Variants in CALD1 observed in about 807,000 individuals in gnomAD.
The protein encoded by CALD1 is caldesmon.
In CALD1, 33 loss-of-function variants were observed where a neutral mutation model predicts 99.9. That is an observed-to-expected ratio of 0.33 (90% CI 0.25 to 0.44). The LOEUF is 0.44. Ranked by LOEUF, CALD1 falls within the 20% of genes least tolerant of loss-of-function variation. The pLI, the probability that CALD1 is intolerant of heterozygous loss-of-function variation, is 1.00. For synonymous variants in CALD1, 310 were observed against 325.0 expected (o/e 0.95, Z 0.50); for missense variants, 861 against 962.1 (o/e 0.89, Z 1.39).
rs1216448793 is a variant in CALD1, at chr7:134,860,639, T to C, written c.-41-7054T>C. On this transcript the variant is annotated intron_variant, in intron 2 of 14. Coordinates refer to ENST00000361675, the MANE Select transcript of CALD1 (RefSeq NM_033138.4). ...ATTGTGGAAAAATTTTTTTAAAGAC[T>C]ATATCTTTTCATAAGTGGCCTTAAG... is the stretch of plus-strand genomic sequence containing the variant. Among the ~76,000 whole-genome samples the C allele has an allele frequency of 3.3e-5, 5 of 152,360 alleles. No individual in the cohort carries two copies. The East Asian group carries it at 9.6e-4, about 29-fold the overall frequency.
intron 3 of CALD1, among the ~76,000 whole-genome samples, chr7:134,916,072 T>A (rs1345966844): frequency 6.6e-6 from 1 of 152,218 alleles, no homozygotes; most frequent in Non-Finnish European, 1.5e-5. Flanking sequence ...ATTTCCCATT[T>A]CCTGTCTCCA....
intron 1 of CALD1, among the ~76,000 whole-genome samples, chr7:134,786,182 AG>A (rs1464048555): frequency 6.6e-6 from 1 of 152,222 alleles, no homozygotes. Flanking sequence ...AGTCATTGCA[AG>A]AGGTAAACAA....
At chr7:134,880,379 G>A (rs1392884363) in intron 3 of CALD1, among the ~76,000 whole-genome samples, 1 of 152,146 alleles carries the variant, frequency 6.6e-6, no homozygotes, top group African/African-American at 2.4e-5. Context: ...AGGTTTTCTG[G>A]AGGTGGGGGG....
chr7:134,859,189 T>C (rs917654848), intron 2 of CALD1, among the ~76,000 whole-genome samples: 9 of 152,156 alleles, frequency 5.9e-5, no homozygotes, highest in Non-Finnish European at 1.3e-4. Context: ...TGCACCCCCA[T>C]TTTTGGGTAG....
chr7:134,833,189 T>A (rs1448147495), intron 1 of CALD1, among the ~76,000 whole-genome samples: 4 of 152,232 alleles, frequency 2.6e-5, no homozygotes, highest in Admixed American at 6.5e-5. Context: ...CACTTAGCTA[T>A]GAATGTTGAA....
upstream of CALD1, chr7:134,779,350 T>C (rs1294642403): frequency 1.9e-5 from 5 of 259,462 alleles, no homozygotes; most frequent in Non-Finnish European, 2.9e-5. Context: ...AAAAAGGGCA[T>C]GGAGCAGGCT....
chr7:134,750,927 G>A (rs1165873158), intron 1 of CALD1, among the ~76,000 whole-genome samples: 2 of 152,054 alleles, frequency 1.3e-5, no homozygotes. Flanking sequence ...ATACCATTCA[G>A]TCTCCCCTTA....
At chr7:134,856,873 A>T (rs1433742428) in intron 2 of CALD1, among the ~76,000 whole-genome samples, 5 of 152,244 alleles carry the variant, frequency 3.3e-5, no homozygotes, top group Admixed American at 1.3e-4. Context: ...CATTTGTTTA[A>T]CAACTAAGTT....
chr7:134,762,696 CT>C lies in CALD1; in HGVS notation c.-130+18337del, dbSNP rs527507462. Among the ~76,000 whole-genome samples, 14 of 152,192 alleles carry C rather than the reference CT, an allele frequency of 9.2e-5. No homozygotes were observed. The South Asian group carries it at 2.7e-3, about 29-fold the overall frequency. ...ACAGACAGCAGGGAGATGCCACACA[CT>C]TTTAAACAAACAGATCTCGAGAGCA... On this transcript the variant is annotated intron_variant, in intron 1 of 13. Coordinates refer to the CALD1 transcript ENST00000417172.
intron 1 of CALD1, among the ~76,000 whole-genome samples, 168 bp downstream of exon 1, chr7:134,779,917 C>G (rs1419175786): frequency 1.3e-5 from 2 of 152,138 alleles, no homozygotes; most frequent in South Asian, 2.1e-4. Context: ...TACGGATATT[C>G]CCGGAAGGCA....
chr7:134,969,864 C>G lies in CALD1; in HGVS notation c.*1519C>G, dbSNP rs545984655. On this transcript the variant is annotated 3_prime_UTR_variant, in exon 15 of 15. Transcript: ENST00000361675. ...ATGTTCTAGTATAGCTGGATACATA[C>G]AGTGGAGTTCTATAAACTCATACCT... is the stretch of plus-strand genomic sequence containing the variant. 1 of 152,706 alleles carries G rather than the reference C, an allele frequency of 6.5e-6. No homozygotes were observed. The highest frequency in any genetic ancestry group is 2.4e-5 in the African/African-American group (1 of 41,570). The allele number at this position is 152,706 out of a possible 1,614,324, so 9.5% of individuals were successfully genotyped here. A position where few individuals can be genotyped will look rare whatever the true frequency, so the allele number is the denominator to read the frequency against.
At chr7:134,927,935 T>C (rs1350075849) in intron 3 of CALD1, 2 of 142,926 alleles carry the variant, frequency 1.4e-5, no homozygotes, top group African/African-American at 5.6e-5. Context: ...TTAATAATAT[T>C]TATTATAATA....
the CALD1 span, among the ~76,000 whole-genome samples, chr7:134,719,004 C>A: frequency 6.6e-6 from 1 of 152,212 alleles, no homozygotes; most frequent in Admixed American, 6.5e-5. Flanking sequence ...ACTGTGTACA[C>A]TATAGAGTAT....
chr7:134,965,258 A>G, intron 13 of CALD1, 48 bp from the exon 14 acceptor site: 1 of 898,586 alleles, frequency 1.1e-6, no homozygotes, highest in South Asian at 1.3e-5. Flanking sequence ...GCTGGCTAGA[A>G]AATATAAATG....
At chr7:134,847,529 T>C (rs3778852) in intron 2 of CALD1, among the ~76,000 whole-genome samples, 78,333 of 152,092 alleles carry the variant, frequency 0.52, 22,483 homozygotes, top group African/African-American at 0.78. Flanking sequence ...CTGGGCATAG[T>C]CCAGATTTGG....
rs1182589212 is a variant in CALD1, at chr7:134,928,791, G to A, written c.109G>A (p.Ala37Thr). Residue 37 changes from alanine to threonine, a missense_variant, in exon 4 of 15, where the codon GCA (alanine) becomes ACA (threonine). Coordinates refer to ENST00000361675, the MANE Select transcript of CALD1 (RefSeq NM_033138.4). The stretch of plus-strand genomic sequence containing the variant: ...GAGGAATGACGATGATGAAGAGGAG[G>A]CAGCCCGGGAACGGCGCCGCCGAGC... ...YQRNDDDEEEAARERRRRARQ... is the reference protein window; with the variant it reads ...YQRNDDDEEETARERRRRARQ... 6.2e-7 allele frequency: 1 copy of A among 1,613,776 alleles called. No individual in the cohort carries two copies. Among genetic ancestry groups the A allele is most frequent in the Non-Finnish European group, 8.5e-7 (1 of 1,179,926 alleles).
At chr7:134,861,724 G>A (rs1800572473) in intron 2 of CALD1, among the ~76,000 whole-genome samples, 1 of 152,188 alleles carries the variant, frequency 6.6e-6, no homozygotes, top group Non-Finnish European at 1.5e-5. Flanking sequence ...AAATGTTTTT[G>A]TGAGGCCTCA....
Position 134,894,721 on chromosome 7 carries a change from T to G in CALD1, c.71+26917T>G, listed in dbSNP as rs189025851. Among the ~76,000 whole-genome samples, 3 of 152,338 alleles carry G rather than the reference T, an allele frequency of 2.0e-5. No individual in the cohort carries two copies. In the East Asian group the frequency reaches 5.8e-4, roughly 29 times the overall value. Reference sequence around the variant, plus strand: ...ATTTTCAGGAGCAGTCGTGAATGGTTGTTCAGTTATTTAGATTTCAAGGCA... The same window carrying G: ...ATTTTCAGGAGCAGTCGTGAATGGTGGTTCAGTTATTTAGATTTCAAGGCA... On this transcript the variant is annotated intron_variant, in intron 3 of 14. Coordinates refer to ENST00000361675, the MANE Select transcript of CALD1 (RefSeq NM_033138.4).
chr7:134,764,878 A>G (rs1796812280), intron 1 of CALD1, among the ~76,000 whole-genome samples: 1 of 152,200 alleles, frequency 6.6e-6, no homozygotes, highest in Non-Finnish European at 1.5e-5. Flanking sequence ...GGGAGAAAGT[A>G]GAAGTTTGTG....
Sources: gnomAD v4.1 joint callset for allele counts (sites outside exome capture counted in the v4.1 genomes callset) on GRCh38, gnomAD v4.1.1 for gene constraint, MANE v1.5 for transcripts, NCBI Gene and HGNC (gene_info 2026-07-23, HGNC 2026-07-21) for gene names.